The following RAB9A variants were observed in gnomAD, a reference collection of about 807,000 sequenced individuals.
RAB9A encodes the protein RAB9A, member RAS oncogene family, also known as ras-related protein Rab-9A.
In RAB9A, 1 loss-of-function variant was observed where a neutral mutation model predicts 10.3. The ratio of observed to expected loss-of-function variants is 0.10; its 90% CI spans 0.03 to 0.46. The LOEUF is 0.46. RAB9A is among the 20% of genes least tolerant of loss of function. The pLI, the probability that RAB9A is intolerant of heterozygous loss-of-function variation, is 0.96. For synonymous variants in RAB9A, 39 were observed against 55.2 expected, an observed-to-expected ratio of 0.71 and a Z score of 1.30; for missense variants, 92 against 150.3, an observed-to-expected ratio of 0.61 and a Z score of 2.03.
intron 1 of RAB9A, among the ~76,000 whole-genome samples, chrX:13,701,185 C>A (rs1308108726): frequency 6.5e-5 from 7 of 108,029 alleles, no homozygotes. Flanking sequence ...CCCAAAAAAA[C>A]CCCATACCCA....
chrX:13,699,814 T>C (rs2046165194), intron 1 of RAB9A, among the ~76,000 whole-genome samples: 1 of 112,049 alleles, frequency 8.9e-6, no homozygotes, highest in Non-Finnish European at 1.9e-5. Context: ...ATTGAATAGC[T>C]CTTTGAATGC....
intron 1 of RAB9A, among the ~76,000 whole-genome samples, chrX:13,692,079 G>A (rs941381372): frequency 1.5e-4 from 16 of 110,147 alleles, no homozygotes; most frequent in African/African-American, 5.3e-4. Flanking sequence ...CACACAGGAG[G>A]ATCACTTGAG....
Position 13,709,660 on chromosome X carries a change from T to C in RAB9A, c.*308T>C, listed in dbSNP as rs1485120373. ...TTTAATTATAATAAAAATAAGAAAC[T>C]TGACTATTCTAGAAGTTATACTTGG... On this transcript the variant is annotated 3_prime_UTR_variant, in exon 3 of 3. Transcript: ENST00000464506. 1 of 151,911 alleles carries C rather than the reference T, an allele frequency of 6.6e-6. No homozygotes were observed. The highest frequency in any genetic ancestry group is 1.4e-5 in the Non-Finnish European group (1 of 72,390). 12.5% of individuals were successfully genotyped at this position (151,911 alleles called of 1,213,427 possible).
chrX:13,691,443 C>T lies in RAB9A; in HGVS notation c.-116+2155C>T, dbSNP rs756776647. Among the ~76,000 whole-genome samples the T allele has an allele frequency of 8.1e-5, 9 of 110,606 alleles. No individual in the cohort carries two copies. The South Asian group carries it at 2.3e-3, about 28-fold the overall frequency. On this transcript the variant is annotated intron_variant, in intron 1 of 2. Coordinates refer to ENST00000464506, the MANE Select transcript of RAB9A (RefSeq NM_004251.5). The stretch of plus-strand genomic sequence containing the variant: ...TTGGGAGGCCGAGGTGGGCGGATCA[C>T]GAGGTCAGGAGTTTGAAACCAGCCT...
At chrX:13,701,865 C>T (rs191741508) in intron 1 of RAB9A, among the ~76,000 whole-genome samples, 33 of 111,335 alleles carry the variant, frequency 3.0e-4, no homozygotes, top group Non-Finnish European at 5.7e-4. Flanking sequence ...AATTTTCATT[C>T]GTAAGCCCAG....
chrX:13,690,681 C>T (rs1436236052), intron 1 of RAB9A, among the ~76,000 whole-genome samples: 1 of 111,870 alleles, frequency 8.9e-6, no homozygotes, highest in Non-Finnish European at 1.9e-5. Flanking sequence ...TCCTTGAGTT[C>T]TCGAAATTAT....
intron 1 of RAB9A, among the ~76,000 whole-genome samples, chrX:13,693,921 C>T (rs1167301890): frequency 9.0e-6 from 1 of 111,639 alleles, no homozygotes; most frequent in African/African-American, 3.3e-5. Flanking sequence ...AGGCCTGACT[C>T]GTACAAACAT....
At chrX:13,702,055 C>G (rs16979137) in intron 1 of RAB9A, among the ~76,000 whole-genome samples, 1,580 of 111,194 alleles carry the variant, frequency 0.014, 32 homozygotes, top group African/African-American at 0.048. Context: ...TCCTAGAGTA[C>G]AGGCAGAAAT....
At chrX:13,698,204 T>C (rs1469608145) in intron 1 of RAB9A, among the ~76,000 whole-genome samples, 4 of 90,008 alleles carry the variant, frequency 4.4e-5, no homozygotes, top group Admixed American at 1.3e-4. Context: ...TTTTTTTTTT[T>C]TTTTTTTTTG....
chrX:13,694,599 C>T (rs2046139762), intron 1 of RAB9A, among the ~76,000 whole-genome samples: 1 of 111,690 alleles, frequency 9.0e-6, no homozygotes, highest in Non-Finnish European at 1.9e-5. Context: ...GGGTGCCCTA[C>T]AAATGTCAAG....
At chrX:13,700,595 C>T (rs1311700160) in intron 1 of RAB9A, among the ~76,000 whole-genome samples, 1 of 111,187 alleles carries the variant, frequency 9.0e-6, no homozygotes, top group Non-Finnish European at 1.9e-5. Flanking sequence ...TATGTTGGTA[C>T]CGGCACGTGG....
chrX:13,698,990 A>C (rs886830981), intron 1 of RAB9A, among the ~76,000 whole-genome samples: 7 of 110,853 alleles, frequency 6.3e-5, no homozygotes, highest in Admixed American at 5.8e-4. Flanking sequence ...ATCTGTTCCT[A>C]AATTTAAACC....
chrX:13,704,484 T>C (rs994777508), intron 2 of RAB9A, among the ~76,000 whole-genome samples: 5 of 112,143 alleles, frequency 4.5e-5, no homozygotes, highest in Non-Finnish European at 9.4e-5. Flanking sequence ...ACTCTTAAAA[T>C]TATGAAAACA....
chrX:13,698,190 CTTTTTTTTTTTT>C (rs67802719), intron 1 of RAB9A, among the ~76,000 whole-genome samples: 3 of 38,351 alleles, frequency 7.8e-5, no homozygotes, highest in Non-Finnish European at 9.3e-5. Context: ...TCTTTTTTTT[CTTTTTTTTTTTT>C]TTTTTTTTTT....
intron 1 of RAB9A, among the ~76,000 whole-genome samples, chrX:13,690,580 C>G (rs956079382): frequency 2.7e-5 from 3 of 111,828 alleles, no homozygotes; most frequent in African/African-American, 9.8e-5. Context: ...AGTGCTATCA[C>G]TTCTTTTCCA....
At chrX:13,698,378 C>T (rs2046158291) in intron 1 of RAB9A, among the ~76,000 whole-genome samples, 1 of 109,581 alleles carries the variant, frequency 9.1e-6, no homozygotes, top group African/African-American at 3.3e-5. Context: ...TAAGTTCTTT[C>T]AATAGGGGAG....
rs1004073396 is a variant in RAB9A, at chrX:13,692,159, A to G, written c.-116+2871A>G. The stretch of plus-strand genomic sequence containing the variant: ...TCTCTACAAAAAATAAATTAAAAAA[A>G]AAATTAGCCTAGCTCAGTGTGGTGG... On this transcript the variant is annotated intron_variant, in intron 1 of 2. Coordinates refer to ENST00000464506, the MANE Select transcript of RAB9A (RefSeq NM_004251.5). Among the ~76,000 whole-genome samples the G allele has an allele frequency of 2.7e-5, 3 of 110,732 alleles. No individual in the cohort carries two copies. In the South Asian group the frequency reaches 1.2e-3, roughly 43 times the overall value.
chrX:13,708,857 C>T lies in RAB9A; in HGVS notation c.111C>T (p.Phe37=). The T allele has an allele frequency of 1.7e-6, 2 of 1,210,209 alleles. No homozygotes were observed. The highest frequency in any genetic ancestry group is 2.2e-6 in the Non-Finnish European group (2 of 894,454). ...CTAATAAGTTTGATACCCAGCTCTTCCATACAATAGGTGTGGAATTTTTAA... is the reference window on the plus strand; with the variant it reads ...CTAATAAGTTTGATACCCAGCTCTTTCATACAATAGGTGTGGAATTTTTAA... The part of the protein sequence containing the change: ...YVTNKFDTQL[F]HTIGVEFLNK... Residue 37 remains phenylalanine (F), a synonymous_variant, in exon 3 of 3, where the codon TTC becomes TTT. Coordinates refer to ENST00000464506, the MANE Select transcript of RAB9A (RefSeq NM_004251.5).
At chrX:13,708,337 C>T (rs868034672) in intron 2 of RAB9A, among the ~76,000 whole-genome samples, 1 of 100,990 alleles carries the variant, frequency 9.9e-6, no homozygotes, top group Non-Finnish European at 2.0e-5. Flanking sequence ...AAAAACAAAA[C>T]CAAAACAACA....
Sources: allele counts gnomAD v4.1 joint callset (sites outside exome capture counted in the v4.1 genomes callset), GRCh38; gene constraint gnomAD v4.1.1; transcripts MANE v1.5; gene names NCBI Gene and HGNC (gene_info 2026-07-23, HGNC 2026-07-21).